Variants in PXN observed in about 807,000 individuals in gnomAD.
PXN encodes testicular tissue protein Li 134.
Under a neutral mutation model 103.6 loss-of-function variants are expected in PXN, and 61 were observed. The observed-to-expected ratio is 0.59, with a 90% confidence interval of 0.48 to 0.73. The LOEUF is 0.73. Ranked by LOEUF, PXN falls within the 30% of genes least tolerant of loss-of-function variation. The pLI is 0.00. For missense variants in PXN, 1,274 were observed against 1,460.3 expected (o/e 0.87, Z 2.08); for synonymous variants, 562 against 607.8 (o/e 0.92, Z 1.11).
At position 120,214,547 on chromosome 12, in the gene PXN, G is replaced by A. The variant is rs1229751080; in HGVS notation, c.2748+278C>T. On this transcript the variant is annotated intron_variant, in intron 12 of 14. Transcript: ENST00000637617. The surrounding 1 kb of genome is among the most constrained non-coding windows in gnomAD (Gnocchi z 5.0). ...ACAGAGAGGGAGAGTGAGGCCGCTG[G>A]CATCCAACTCCATTTATCTCCTCAG... is the stretch of plus-strand genomic sequence containing the variant. 6.6e-6 allele frequency among the ~76,000 whole-genome samples: 1 copy of A among 152,202 alleles called. No individual in the cohort carries two copies. The highest frequency in any genetic ancestry group is 1.5e-5 in the Non-Finnish European group (1 of 68,034).
chr12:120,250,571 G>A (rs1426101007), intron 1 of PXN, among the ~76,000 whole-genome samples: 2 of 152,096 alleles, frequency 1.3e-5, no homozygotes, highest in African/African-American at 4.8e-5. Context: ...AGTGTTAGAT[G>A]AGCGATTAGT....
chr12:120,258,245 C>T (rs1034176950), intron 1 of PXN, among the ~76,000 whole-genome samples: 5 of 151,934 alleles, frequency 3.3e-5, no homozygotes, highest in Non-Finnish European at 5.9e-5. Flanking sequence ...GACAACCCAT[C>T]TCAAACTCCA....
intron 1 of PXN, among the ~76,000 whole-genome samples, chr12:120,244,238 G>A (rs1274954405): frequency 6.6e-6 from 1 of 151,056 alleles, no homozygotes; most frequent in Admixed American, 6.6e-5. Flanking sequence ...AAAATAGCTG[G>A]GCATGGTGGC....
intron 3 of PXN, among the ~76,000 whole-genome samples, 192 bp downstream of exon 3, chr12:120,223,526 T>C (rs982322810): frequency 4.6e-5 from 7 of 152,138 alleles, no homozygotes; most frequent in Admixed American, 2.0e-4. Context: ...TAGCCCAGAA[T>C]GTCCACTGCA....
intron 1 of PXN, among the ~76,000 whole-genome samples, chr12:120,238,140 A>G (rs1425353678): frequency 6.6e-6 from 1 of 152,178 alleles, no homozygotes; most frequent in Non-Finnish European, 1.5e-5. Flanking sequence ...CACAATAGAA[A>G]AAAAGGAGAG....
In PXN at chr12:120,214,375, A is replaced by G. The variant is rs905988417; in HGVS notation, c.2749-158T>C. The stretch of plus-strand genomic sequence containing the variant: ...TCCTAATTGTGCTGTGAATGCCTCT[A>G]AGAATTCAGAGTTACTCAGGATGGG... On this transcript the variant is annotated intron_variant, in intron 12 of 14. Coordinates refer to ENST00000637617, the MANE Select transcript of PXN (RefSeq NM_001385981.1). This position sits in a 1 kb window ranked among gnomAD's most constrained non-coding sequence, Gnocchi z 5.0. Among the ~76,000 whole-genome samples the G allele has an allele frequency of 6.6e-6, 1 of 152,100 alleles. No homozygotes were observed. Among genetic ancestry groups the G allele is most frequent in the African/African-American group, 2.4e-5 (1 of 41,402 alleles).
chr12:120,252,824 T>G (rs919655759), intron 1 of PXN, among the ~76,000 whole-genome samples: 1 of 151,960 alleles, frequency 6.6e-6, no homozygotes, highest in African/African-American at 2.4e-5. Context: ...GTAATGAAAC[T>G]CCGTCTCTAC....
intron 1 of PXN, among the ~76,000 whole-genome samples, chr12:120,252,808 C>T (rs973846164): frequency 1.3e-5 from 2 of 151,824 alleles, no homozygotes; most frequent in African/African-American, 2.4e-5. Flanking sequence ...TCAAAAGAAA[C>T]GACATGTAAT....
rs997431442 is a variant in PXN at position 120,265,726 on chromosome 12, G to A, written c.-97C>T. The stretch of plus-strand genomic sequence containing the variant: ...ACTTTTCCGCCGCGAGCCTCGGCCC[G>A]GAACGGAACGCGCCGCCGCCGCGCG... On this transcript the variant is annotated 5_prime_UTR_variant, in exon 1 of 15. Coordinates refer to ENST00000637617, the MANE Select transcript of PXN (RefSeq NM_001385981.1). The surrounding 1 kb of genome is among the most constrained non-coding windows in gnomAD (Gnocchi z 5.7). The A allele has an allele frequency of 5.5e-6, 6 of 1,093,824 alleles. No individual in the cohort carries two copies. In the African/African-American group the frequency reaches 8.3e-5, roughly 15 times the overall value. 67.8% of individuals were successfully genotyped at this position (1,093,824 alleles called of 1,614,324 possible). A position where few individuals can be genotyped will look rare whatever the true frequency, so the allele number is the denominator to read the frequency against.
At chr12:120,246,388 A>T (rs1485400941) in intron 1 of PXN, among the ~76,000 whole-genome samples, 2 of 151,720 alleles carry the variant, frequency 1.3e-5, no homozygotes, top group Non-Finnish European at 2.9e-5. Flanking sequence ...TTAGCTGGGC[A>T]TGGTAGCGCA....
In PXN at chr12:120,215,407, G is replaced by A. The variant is rs1342759163; in HGVS notation, c.2404-134C>T. On this transcript the variant is annotated intron_variant, in intron 10 of 14. Coordinates refer to ENST00000637617, the MANE Select transcript of PXN (RefSeq NM_001385981.1). The surrounding 1 kb of genome is among the most constrained non-coding windows in gnomAD (Gnocchi z 4.9). ...GACAAGAAGTACAACCTCCTCCAGG[G>A]GCCAGGAGCCCTAAAGTGGGAGTGA... 5 of 1,451,374 alleles carry A rather than the reference G, an allele frequency of 3.4e-6. No homozygotes were observed. Among genetic ancestry groups the A allele is most frequent in the Admixed American group, 2.6e-5 (1 of 38,304 alleles). 89.9% of individuals were successfully genotyped at this position (1,451,374 alleles called of 1,614,324 possible). A position where few individuals can be genotyped will look rare whatever the true frequency, so the allele number is the denominator to read the frequency against.
intron 1 of PXN, among the ~76,000 whole-genome samples, chr12:120,227,839 C>G (rs1282931629): frequency 6.6e-6 from 1 of 152,182 alleles, no homozygotes; most frequent in Non-Finnish European, 1.5e-5. Context: ...CTGAGACTTC[C>G]CCATAGGCTG....
chr12:120,216,221 G>C lies in PXN; in HGVS notation c.2301+52C>G. 7.9e-7 allele frequency: 1 copy of C among 1,270,124 alleles called. No individual in the cohort carries two copies. Among genetic ancestry groups the C allele is most frequent in the South Asian group, 3.3e-5 (1 of 30,530 alleles). The allele number at this position is 1,270,124 out of a possible 1,614,324, so 78.7% of individuals were successfully genotyped here. On this transcript the variant is annotated intron_variant, in intron 9 of 14. Coordinates refer to ENST00000637617, the MANE Select transcript of PXN (RefSeq NM_001385981.1). The surrounding 1 kb of genome is among the most constrained non-coding windows in gnomAD (Gnocchi z 5.1). ...GTGTGTGTGTGCAGAGTGGGGGATGGCTCAGGCATTAGGACAGGGGACAGA... is the reference window on the plus strand; with the variant it reads ...GTGTGTGTGTGCAGAGTGGGGGATGCCTCAGGCATTAGGACAGGGGACAGA...
Position 120,215,701 on chromosome 12 carries a change from A to T in PXN, c.2302-40T>A, listed in dbSNP as rs2136203370. Reference sequence around the variant, plus strand: ...GAGATGAGGGTAAGAAATCTTTTTTAAAAATTAAGAAAGAATACAAGACCT... The same window carrying T: ...GAGATGAGGGTAAGAAATCTTTTTTTAAAATTAAGAAAGAATACAAGACCT... On this transcript the variant is annotated intron_variant, in intron 9 of 14. Coordinates refer to ENST00000637617, the MANE Select transcript of PXN (RefSeq NM_001385981.1). The surrounding 1 kb of genome is among the most constrained non-coding windows in gnomAD (Gnocchi z 4.9). The T allele has an allele frequency of 6.4e-7, 1 of 1,558,672 alleles. No individual in the cohort carries two copies. The highest frequency in any genetic ancestry group is 8.7e-7 in the Non-Finnish European group (1 of 1,154,364).
At chr12:120,237,731 A>T (rs1195218095) in intron 1 of PXN, among the ~76,000 whole-genome samples, 1 of 152,068 alleles carries the variant, frequency 6.6e-6, no homozygotes, top group African/African-American at 2.4e-5. Context: ...TGGGCACACA[A>T]ATTTTGGAAG....
chr12:120,259,415 A>T (rs1266031870), intron 1 of PXN, among the ~76,000 whole-genome samples: 1 of 152,222 alleles, frequency 6.6e-6, no homozygotes, highest in Non-Finnish European at 1.5e-5. Flanking sequence ...GAAAAAATAA[A>T]AATAAGTTGC....
chr12:120,224,741 C>T lies in PXN; in HGVS notation c.14-364G>A, dbSNP rs559913330. The T allele has an allele frequency of 4.5e-5, 23 of 512,196 alleles. No homozygotes were observed. The Middle Eastern group carries it at 1.2e-3, about 26-fold the overall frequency. 31.7% of individuals were successfully genotyped at this position (512,196 alleles called of 1,614,324 possible). ...GGAACTCTGAATCTGCAGGGCAACG[C>T]GGAGAGAATGGGCGGGAGGGGCCCC... On this transcript the variant is annotated intron_variant, in intron 1 of 14. Coordinates refer to ENST00000637617, the MANE Select transcript of PXN (RefSeq NM_001385981.1). This position sits in a 1 kb window ranked among gnomAD's most constrained non-coding sequence, Gnocchi z 5.0.
In PXN at chr12:120,220,032, T is replaced by G; in HGVS notation, c.891A>C (p.Ser297=). 6.6e-7 allele frequency: 1 copy of G among 1,517,600 alleles called. No homozygotes were observed. Among genetic ancestry groups the G allele is most frequent in the Non-Finnish European group, 9.0e-7 (1 of 1,116,124 alleles). The allele number at this position is 1,517,600 out of a possible 1,614,324, so 94.0% of individuals were successfully genotyped here. Residue 297 remains serine, a synonymous_variant, in exon 7 of 15, where the codon TCA becomes TCC. Transcript: ENST00000637617. This position sits in a 1 kb window ranked among gnomAD's most constrained non-coding sequence, Gnocchi z 6.1. ...APGLSSSAPS[S]YCSLPPSPPP... is the part of the protein sequence containing the mutation. Reference sequence around the variant, plus strand: ...GAGGAGAAGGAGGAAGGGAGCAGTATGAGGACGGAGCAGAGCTGGACAGCC... The same window carrying G: ...GAGGAGAAGGAGGAAGGGAGCAGTAGGAGGACGGAGCAGAGCTGGACAGCC...
chr12:120,212,117 G>A lies in PXN; in HGVS notation c.*197C>T. On this transcript the variant is annotated 3_prime_UTR_variant, in exon 15 of 15. Coordinates refer to ENST00000637617, the MANE Select transcript of PXN (RefSeq NM_001385981.1). This position sits in a 1 kb window ranked among gnomAD's most constrained non-coding sequence, Gnocchi z 7.2. Reference sequence around the variant, plus strand: ...CTAGGGAGAGCTACAGGAGGGAGGAGGGGGCCCAGAGGCTCTGGCAGGGGT... The same window carrying A: ...CTAGGGAGAGCTACAGGAGGGAGGAAGGGGCCCAGAGGCTCTGGCAGGGGT... 2.4e-6 allele frequency: 2 copies of A among 835,200 alleles called. No homozygotes were observed. Among genetic ancestry groups the A allele is most frequent in the Middle Eastern group, 5.7e-4 (2 of 3,518 alleles). The allele number at this position is 835,200 out of a possible 1,614,324, so 51.7% of individuals were successfully genotyped here.
Sources: gnomAD v4.1 joint callset for allele counts (sites outside exome capture counted in the v4.1 genomes callset) on GRCh38, gnomAD v4.1.1 for gene constraint, Gnocchi (gnomAD v3.1) non-coding constraint, MANE v1.5 for transcripts, NCBI Gene and HGNC (gene_info 2026-07-23, HGNC 2026-07-21) for gene names.